The following CDH23 variants were observed in gnomAD, a reference collection of about 807,000 sequenced individuals.
The protein encoded by CDH23 is cadherin-23.
A neutral mutation model predicts 317.1 loss-of-function variants in CDH23; 189 were observed. The observed-to-expected ratio is 0.60, with a 90% CI of 0.53 to 0.67. The LOEUF (loss-of-function observed/expected upper bound fraction) is 0.67. Among genes scored for constraint, CDH23 ranks in the 30% least tolerant of loss-of-function variants. CDH23 has a pLI of 0.00. For missense variants in CDH23, 4,401 were observed against 4,592.4 expected, an observed-to-expected ratio of 0.96 and a Z score of 1.20; for synonymous variants, 1,839 against 1,876.8, an observed-to-expected ratio of 0.98 and a Z score of 0.52.
At chr10:71,400,219 G>A (rs1464333350) in intron 1 of CDH23, among the ~76,000 whole-genome samples, 2 of 152,200 alleles carry the variant, frequency 1.3e-5, no homozygotes, top group Non-Finnish European at 2.9e-5. Context: ...AGGCATCAAG[G>A]CTGGCCTGAG....
At chr10:71,695,011 C>G (rs776695458) in intron 21 of CDH23, among the ~76,000 whole-genome samples, 5 of 152,186 alleles carry the variant, frequency 3.3e-5, no homozygotes, top group Non-Finnish European at 5.9e-5. Flanking sequence ...AATCAGAGCC[C>G]TATAAATAAT....
chr10:71,503,086 T>C (rs1426249275), intron 3 of CDH23, among the ~76,000 whole-genome samples: 4 of 152,190 alleles, frequency 2.6e-5, no homozygotes, highest in Non-Finnish European at 5.9e-5. Context: ...GGGGAAGCTG[T>C]GATTGTCCAC....
At chr10:71,734,933 T>C (rs150017222) in intron 34 of CDH23, among the ~76,000 whole-genome samples, 1 of 152,316 alleles carries the variant, frequency 6.6e-6, no homozygotes, top group East Asian at 1.9e-4. Context: ...GGAAGACCAC[T>C]GAGGGCTCAT....
intron 3 of CDH23, among the ~76,000 whole-genome samples, chr10:71,507,563 G>A (rs568639674): frequency 6.6e-6 from 1 of 152,132 alleles, no homozygotes; most frequent in African/African-American, 2.4e-5. Context: ...CATGGTGGCT[G>A]ATGCCTGTAA....
intron 69 of CDH23, among the ~76,000 whole-genome samples, chr10:71,813,591 A>C (rs1414651898): frequency 2.6e-5 from 4 of 152,044 alleles, no homozygotes; most frequent in Non-Finnish European, 2.9e-5. Context: ...CCTCAAGAAC[A>C]TACCTTTGGG....
chr10:71,786,990 GGT>G (rs1841123673), intron 44 of CDH23, among the ~76,000 whole-genome samples: 1 of 152,124 alleles, frequency 6.6e-6, no homozygotes, highest in Admixed American at 6.5e-5. Flanking sequence ...TCTGCACCTT[GGT>G]TCCCTTGTCT....
chr10:71,808,749 C>T (rs2132992718), intron 60 of CDH23, among the ~76,000 whole-genome samples: 1 of 152,290 alleles, frequency 6.6e-6, no homozygotes. Flanking sequence ...CCTAATCCCT[C>T]TTTCTGTTCC....
chr10:71,530,034 G>GACAGACACACACAC (rs1855273379), intron 6 of CDH23, among the ~76,000 whole-genome samples: 1 of 140,832 alleles, frequency 7.1e-6, no homozygotes, highest in African/African-American at 2.7e-5. Context: ...CACACATACA[G>GACAGACACACACAC]ACACACACAC....
intron 20 of CDH23, among the ~76,000 whole-genome samples, chr10:71,691,313 T>C (rs1313766986): frequency 6.6e-6 from 1 of 152,228 alleles, no homozygotes; most frequent in African/African-American, 2.4e-5. Context: ...TTCATTCATA[T>C]GTTCATTTAT....
chr10:71,748,926 A>C (rs530789941), intron 38 of CDH23: 17 of 153,040 alleles, frequency 1.1e-4, no homozygotes, highest in African/African-American at 3.4e-4. Flanking sequence ...TTTCGCTGAA[A>C]ACAGGAAACC....
Position 71,807,778 on chromosome 10 carries a change from T to A in CDH23, c.8560+11T>A. 6.3e-7 allele frequency: 1 copy of A among 1,592,430 alleles called. No individual in the cohort carries two copies. Among genetic ancestry groups the A allele is most frequent in the East Asian group, 2.3e-5 (1 of 43,534 alleles). ...CTGAGTACACTGCAGGTGCAGGGACTGGAGCCTGGGCACGAGGTGTGGGGT... is the reference window on the plus strand; with the variant it reads ...CTGAGTACACTGCAGGTGCAGGGACAGGAGCCTGGGCACGAGGTGTGGGGT... On this transcript the variant is annotated intron_variant, in intron 59 of 69. Coordinates refer to ENST00000224721, the MANE Select transcript of CDH23 (RefSeq NM_022124.6).
intron 3 of CDH23, among the ~76,000 whole-genome samples, chr10:71,492,967 GA>G (rs1852749240): frequency 6.6e-6 from 1 of 152,186 alleles, no homozygotes; most frequent in African/African-American, 2.4e-5. Flanking sequence ...AGGCTACACA[GA>G]AGGGCCGAGA....
intron 55 of CDH23, among the ~76,000 whole-genome samples, chr10:71,804,003 T>C (rs993673679): frequency 7.5e-5 from 11 of 146,642 alleles, no homozygotes; most frequent in African/African-American, 2.3e-4. Flanking sequence ...AAAAAAAAAA[T>C]CTTTAGTTGA....
rs188644775 is a variant in CDH23, at chr10:71,695,225, C to A, written c.2290-193C>A. ...CTCCTGATGGGACAACACTGGAACTCTCTCTCCTGAAGCGGCCTGGCTCCT... is the reference window on the plus strand; with the variant it reads ...CTCCTGATGGGACAACACTGGAACTATCTCTCCTGAAGCGGCCTGGCTCCT... On this transcript the variant is annotated intron_variant, in intron 21 of 69. Transcript: ENST00000224721. Among the ~76,000 whole-genome samples, 1,588 of 152,362 alleles carry A rather than the reference C, an allele frequency of 0.01. 18 individuals carry two copies. The highest frequency in any genetic ancestry group is 0.017 in the Non-Finnish European group (1,172 of 68,030).
At chr10:71,710,301 A>G (rs948830412) in intron 27 of CDH23, among the ~76,000 whole-genome samples, 1 of 152,196 alleles carries the variant, frequency 6.6e-6, no homozygotes, top group Non-Finnish European at 1.5e-5. Flanking sequence ...AGATAGATCC[A>G]TTCTGCCCCA....
rs754891004 is a variant in CDH23 at position 71,578,028 on chromosome 10, C to A, written c.832+36C>A. The A allele has an allele frequency of 1.9e-5, 29 of 1,548,880 alleles. No homozygotes were observed. In the African/African-American group the frequency reaches 2.7e-4, roughly 15 times the overall value. ...AGGCTGCCCCTCTCTCCTCTCACCC[C>A]TCTGTCCTCCACCCAAGGAGAGCCA... is the stretch of plus-strand genomic sequence containing the variant. On this transcript the variant is annotated intron_variant, in intron 9 of 69. Coordinates refer to ENST00000224721, the MANE Select transcript of CDH23 (RefSeq NM_022124.6).
At position 71,726,500 on chromosome 10, in the gene CDH23, G is replaced by T. The variant is rs188465828; in HGVS notation, c.3579+980G>T. ...CTCCTGCTGACACCTCCAACGCTTT[G>T]CCCCAAGAAGAGCTGGGAAGACACC... On this transcript the variant is annotated intron_variant, in intron 30 of 69. Transcript: ENST00000224721. 3.4e-3 allele frequency among the ~76,000 whole-genome samples: 517 copies of T among 152,286 alleles called. 3 individuals carry two copies. The highest frequency in any genetic ancestry group is 4.4e-3 in the Non-Finnish European group (302 of 68,012).
intron 9 of CDH23, among the ~76,000 whole-genome samples, chr10:71,607,672 G>T (rs1288575944): frequency 6.6e-6 from 1 of 152,184 alleles, no homozygotes; most frequent in Non-Finnish European, 1.5e-5. Context: ...GGAGGCCGAG[G>T]CCAGAGGATT....
At chr10:71,562,629 A>G (rs1425881995) in intron 6 of CDH23, among the ~76,000 whole-genome samples, 1 of 152,204 alleles carries the variant, frequency 6.6e-6, no homozygotes, top group African/African-American at 2.4e-5. Context: ...GCTGAGACCC[A>G]TGCAGGCCAG....
Sources: allele counts gnomAD v4.1 joint callset (sites outside exome capture counted in the v4.1 genomes callset), GRCh38; gene constraint gnomAD v4.1.1; transcripts MANE v1.5; gene names NCBI Gene and HGNC (gene_info 2026-07-23, HGNC 2026-07-21).